The following PLEKHS1 variants were observed in gnomAD, a reference collection of about 807,000 sequenced individuals.
PLEKHS1 encodes pleckstrin homology domain containing S1, also known as pleckstrin homology domain-containing family S member 1.
In PLEKHS1, 55 loss-of-function variants were observed where a neutral mutation model predicts 51.0. The observed-to-expected ratio is 1.08, with a 90% CI of 0.87 to 1.35. The LOEUF is 1.35. Among genes scored for constraint, PLEKHS1 ranks in the 40% most tolerant of loss-of-function variants. The pLI, the probability that PLEKHS1 is intolerant of heterozygous loss-of-function variation, is 0.00. For synonymous variants in PLEKHS1, 153 were observed against 144.8 expected (o/e 1.06, Z -0.41); for missense variants, 398 against 423.0 (o/e 0.94, Z 0.52).
chr10:113,769,425 C>T (rs897112285), intron 6 of PLEKHS1, among the ~76,000 whole-genome samples: 1 of 152,114 alleles, frequency 6.6e-6, no homozygotes, highest in Non-Finnish European at 1.5e-5. Context: ...CTAGGTTGTT[C>T]CATGCTTACA....
intron 2 of PLEKHS1, among the ~76,000 whole-genome samples, chr10:113,762,040 T>C (rs893348198): frequency 6.6e-6 from 1 of 152,054 alleles, no homozygotes; most frequent in Non-Finnish European, 1.5e-5. Context: ...TCAGTGACCT[T>C]TGTTGGTGTA....
intron 2 of PLEKHS1, among the ~76,000 whole-genome samples, chr10:113,756,770 T>C (rs1241886395): frequency 6.6e-6 from 1 of 152,020 alleles, no homozygotes; most frequent in Non-Finnish European, 1.5e-5. Context: ...AATATACTTA[T>C]AAGGTAGGAG....
At chr10:113,777,215 C>G in intron 11 of PLEKHS1, 1 of 1,612,864 alleles carries the variant, frequency 6.2e-7, no homozygotes, top group South Asian at 1.1e-5. Flanking sequence ...ACCCCAGAGC[C>G]TGGAGGAGGT....
intron 2 of PLEKHS1, among the ~76,000 whole-genome samples, chr10:113,756,436 G>A (rs1269804392): frequency 6.6e-6 from 1 of 152,160 alleles, no homozygotes; most frequent in African/African-American, 2.4e-5. Flanking sequence ...ACTCCAGACT[G>A]GGTAACAGAG....
rs566292755 is a variant in PLEKHS1, at chr10:113,774,394, T to C, written c.779+61T>C. 1.9e-5 allele frequency: 19 copies of C among 976,438 alleles called. No homozygotes were observed. The African/African-American group carries it at 2.5e-4, about 13-fold the overall frequency. 60.5% of individuals were successfully genotyped at this position (976,438 alleles called of 1,614,324 possible). ...CTCATCTGCTGTTAAGGAACAATGA[T>C]TGTCAGTTCATTTCAATAGTTGATA... On this transcript the variant is annotated intron_variant, in intron 9 of 11. Transcript: ENST00000361048.
At chr10:113,770,288 C>T (rs1035799947) in intron 7 of PLEKHS1, among the ~76,000 whole-genome samples, 1 of 152,222 alleles carries the variant, frequency 6.6e-6, no homozygotes, top group Non-Finnish European at 1.5e-5. Context: ...CAGGCAAAGG[C>T]TGAGTTTCTT....
chr10:113,782,837 C>T (rs1593053479), downstream of PLEKHS1: 3 of 152,260 alleles, frequency 2.0e-5, no homozygotes, highest in Middle Eastern at 0.01. Flanking sequence ...AACGCATGCC[C>T]TTTTGGATCT....
At chr10:113,755,371 A>C in intron 2 of PLEKHS1, 66 bp downstream of exon 2, 1 of 1,570,652 alleles carries the variant, frequency 6.4e-7, no homozygotes, top group South Asian at 1.2e-5. Flanking sequence ...GGTTTCCTTC[A>C]AGCTAACCAG....
At chr10:113,755,911 G>A (rs375569546) in intron 2 of PLEKHS1, among the ~76,000 whole-genome samples, 2 of 152,236 alleles carry the variant, frequency 1.3e-5, no homozygotes, top group African/African-American at 4.8e-5. Context: ...GCAAAGACTG[G>A]AGAACATTTT....
rs1844569828 is a variant in PLEKHS1, at chr10:113,774,793, A to C, written c.780-33A>C. The C allele has an allele frequency of 1.9e-6, 3 of 1,583,754 alleles. No individual in the cohort carries two copies. The East Asian group carries it at 6.7e-5, about 35-fold the overall frequency. On this transcript the variant is annotated intron_variant, in intron 9 of 11. Coordinates refer to ENST00000361048, the Ensembl canonical transcript of PLEKHS1. ...GGGAACACTGTAAAAACACATGCTA[A>C]AATAGGGCTTGTTTTAACTTCTTAT...
chr10:113,762,478 C>T (rs1049459127), intron 2 of PLEKHS1, among the ~76,000 whole-genome samples: 5 of 149,994 alleles, frequency 3.3e-5, no homozygotes, highest in African/African-American at 1.2e-4. Context: ...CTAACATAGC[C>T]ATTAAAAAAT....
chr10:113,780,939 G>A, exon 12 of PLEKHS1: 1 of 692,056 alleles, frequency 1.4e-6, no homozygotes, highest in East Asian at 2.7e-5. Context: ...TCTGGTTATT[G>A]TATCAGAGAT....
intron 2 of PLEKHS1, among the ~76,000 whole-genome samples, chr10:113,756,913 CT>C (rs397845343): frequency 0.016 from 1,769 of 109,836 alleles, 4 homozygotes; most frequent in African/African-American, 0.029. Context: ...TTAGATTGGT[CT>C]TTTTTTTTTT....
chr10:113,774,898 G>A, exon 10 of PLEKHS1: 1 of 1,614,144 alleles, frequency 6.2e-7, no homozygotes, highest in Non-Finnish European at 8.5e-7. Flanking sequence ...CAGAGACCCA[G>A]GATGGGGACC....
At chr10:113,766,552 T>C in intron 3 of PLEKHS1, 53 bp downstream of exon 3, 1 of 1,587,476 alleles carries the variant, frequency 6.3e-7, no homozygotes, top group Non-Finnish European at 8.6e-7. Context: ...TGAGCATTTT[T>C]AAAAATCATT....
intron 2 of PLEKHS1, among the ~76,000 whole-genome samples, chr10:113,763,948 C>T (rs908269988): frequency 6.6e-6 from 1 of 152,194 alleles, no homozygotes; most frequent in Non-Finnish European, 1.5e-5. Flanking sequence ...CTTCCCTTCA[C>T]ATTTTTTATA....
chr10:113,772,783 G>A (rs1288851881), intron 8 of PLEKHS1, among the ~76,000 whole-genome samples: 3 of 152,212 alleles, frequency 2.0e-5, no homozygotes, highest in Admixed American at 1.3e-4. Context: ...CAGTGAGGCT[G>A]CAACCTAGAG....
intron 2 of PLEKHS1, 56 bp from the exon 3 acceptor site, chr10:113,766,355 G>A: frequency 3.8e-6 from 4 of 1,057,822 alleles, no homozygotes; most frequent in Admixed American, 2.2e-5. Flanking sequence ...TCCAATTGAG[G>A]CAGTTCTTTT....
chr10:113,759,341 T>G (rs940546094), intron 2 of PLEKHS1, among the ~76,000 whole-genome samples: 2 of 152,208 alleles, frequency 1.3e-5, no homozygotes, highest in African/African-American at 4.8e-5. Context: ...AGGCAGAGGT[T>G]GCAGTGAGCC....
Sources: allele counts gnomAD v4.1 joint callset (sites outside exome capture counted in the v4.1 genomes callset), GRCh38; gene constraint gnomAD v4.1.1; transcripts MANE v1.5; gene names NCBI Gene and HGNC (gene_info 2026-07-23, HGNC 2026-07-21).